The following PKD2 variants were observed in gnomAD, a reference collection of about 807,000 sequenced individuals.
PKD2 encodes the protein polycystin 2, transient receptor potential cation channel, also known as polycystin-2.
A neutral mutation model predicts 105.9 loss-of-function variants in PKD2; 48 were observed. That is an observed-to-expected ratio of 0.45 (90% CI 0.36 to 0.58). The LOEUF (loss-of-function observed/expected upper bound fraction) is 0.58. PKD2 is among the 20% of genes least tolerant of loss of function. The pLI, the probability that PKD2 is intolerant of heterozygous loss-of-function variation, is 0.00. For synonymous variants in PKD2, 464 were observed against 481.1 expected (o/e 0.96, Z 0.46); for missense variants, 1,078 against 1,255.3 (o/e 0.86, Z 2.13).
rs60801876 is a variant in PKD2, at chr4:88,060,441, C to CATATATATATATAT, written c.2020-1462_2020-1449dup. Among the ~76,000 whole-genome samples, 793 of 147,438 alleles carry CATATATATATATAT rather than the reference C, an allele frequency of 5.4e-3. 7 individuals carry two copies. The highest frequency in any genetic ancestry group is 0.029 in the East Asian group (141 of 4,930). On this transcript the variant is annotated intron_variant, in intron 9 of 14. Coordinates refer to ENST00000237596, the MANE Select transcript of PKD2 (RefSeq NM_000297.4). ...TAAGTATTTACTAAGCCACTATATC[C>CATATATATATATAT]ATATATATATATATATCATATATAC...
intron 10 of PKD2, among the ~76,000 whole-genome samples, chr4:88,064,517 T>A (rs760154099): frequency 2.3e-4 from 35 of 152,198 alleles, no homozygotes; most frequent in Non-Finnish European, 4.3e-4. Context: ...ATTATTCAGA[T>A]CATTTTGCAC....
chr4:88,040,207 CA>C (rs2110109101), intron 4 of PKD2, among the ~76,000 whole-genome samples: 1 of 152,254 alleles, frequency 6.6e-6, no homozygotes, highest in African/African-American at 2.4e-5. Context: ...AGCCTGACTC[CA>C]AAACCCATGT....
At chr4:88,042,182 C>G (rs908916685) in intron 4 of PKD2, among the ~76,000 whole-genome samples, 8 of 152,190 alleles carry the variant, frequency 5.3e-5, no homozygotes, top group African/African-American at 1.9e-4. Context: ...GGCAATTTAC[C>G]AAAGAAAGAG....
At chr4:88,061,780 T>C in intron 9 of PKD2, 126 bp from the exon 10 acceptor site, 1 of 414,634 alleles carries the variant, frequency 2.4e-6, no homozygotes, top group Non-Finnish European at 4.4e-6. Context: ...AATAAATTTA[T>C]GTCTTCATAA....
chr4:88,057,695 A>T (rs925371440), intron 8 of PKD2, among the ~76,000 whole-genome samples: 5 of 152,026 alleles, frequency 3.3e-5, no homozygotes, highest in African/African-American at 1.2e-4. Context: ...CGGCCTCCCA[A>T]AGTGCTGGGA....
intron 12 of PKD2, among the ~76,000 whole-genome samples, chr4:88,066,722 A>T (rs1270398508): frequency 6.6e-6 from 1 of 151,952 alleles, no homozygotes; most frequent in East Asian, 1.9e-4. Flanking sequence ...AAATAGTTAA[A>T]AATAAACATA....
chr4:88,044,938 G>T (rs1445415704), intron 5 of PKD2, among the ~76,000 whole-genome samples: 1 of 152,128 alleles, frequency 6.6e-6, no homozygotes, highest in East Asian at 1.9e-4. Context: ...TCCAGTAGTA[G>T]TTATCACTAG....
chr4:88,007,739 G>A lies in PKD2; in HGVS notation c.6G>A (p.Val2=). M[V]NSSRVQPQQP... ...GCCGGACGCCAGTGACCGCGATGGT[G>A]AACTCCAGTCGCGTGCAGCCTCAGC... The change falls in exon 1 of 15, where the codon GTG becomes GTA. Residue 2 remains valine (V), a synonymous_variant. Transcript: ENST00000237596. 7.5e-6 allele frequency: 9 copies of A among 1,205,756 alleles called. No homozygotes were observed. Among genetic ancestry groups the A allele is most frequent in the African/African-American group, 1.6e-5 (1 of 61,774 alleles). 74.7% of individuals were successfully genotyped at this position (1,205,756 alleles called of 1,614,324 possible).
chr4:88,051,016 C>T (rs1720076773), intron 6 of PKD2, among the ~76,000 whole-genome samples: 1 of 152,196 alleles, frequency 6.6e-6, no homozygotes, highest in Non-Finnish European at 1.5e-5. Context: ...CCACAGCCCA[C>T]CTGCTGCAGA....
chr4:88,052,048 C>T lies in PKD2; in HGVS notation c.1606C>T (p.Leu536=), dbSNP rs983462333. The change falls in exon 7 of 15, where the codon CTA becomes TTA. Residue 536 remains leucine, a synonymous_variant. Coordinates refer to ENST00000237596, the MANE Select transcript of PKD2 (RefSeq NM_000297.4). ...CAGAACATCAAATGTGGAGGTGCTACTACAGTTTCTGGAAGATCAAAATAC... is the reference window on the plus strand; with the variant it reads ...CAGAACATCAAATGTGGAGGTGCTATTACAGTTTCTGGAAGATCAAAATAC... ...IYRTSNVEVL[L]QFLEDQNTFP... 6.2e-7 allele frequency: 1 copy of T among 1,602,334 alleles called. No homozygotes were observed. Among genetic ancestry groups the T allele is most frequent in the Admixed American group, 1.7e-5 (1 of 59,984 alleles).
intron 4 of PKD2, among the ~76,000 whole-genome samples, chr4:88,042,412 G>A (rs1420105274): frequency 6.6e-6 from 1 of 152,072 alleles, no homozygotes; most frequent in African/African-American, 2.4e-5. Context: ...CCTCCTACCG[G>A]GTTTCTCCAA....
At chr4:88,057,070 G>A (rs1026501163) in intron 8 of PKD2, among the ~76,000 whole-genome samples, 51 of 151,920 alleles carry the variant, frequency 3.4e-4, no homozygotes, top group African/African-American at 1.2e-3. Flanking sequence ...GCTCACTGCA[G>A]CCTTGAACTC....
At chr4:88,039,774 T>TA (rs201446975) in intron 4 of PKD2, among the ~76,000 whole-genome samples, 1,549 of 150,176 alleles carry the variant, frequency 0.01, 14 homozygotes, top group Middle Eastern at 0.045. Flanking sequence ...TCGCTTTCTT[T>TA]AAAAAAAAAA....
intron 1 of PKD2, among the ~76,000 whole-genome samples, chr4:88,012,678 A>G (rs954190743): frequency 3.4e-4 from 52 of 152,214 alleles, no homozygotes; most frequent in African/African-American, 1.1e-3. Context: ...GAACTTTTTT[A>G]TCATCCCAAA....
rs892016613 is a variant in PKD2 at position 88,075,016 on chromosome 4, A to G, written c.2670+57A>G. On this transcript the variant is annotated intron_variant, in intron 14 of 14. Transcript: ENST00000237596. ...TGAGCATGGTGTTATTAATGAAAATATATGTTGCTGACAGTTGTATTTGAA... is the reference window on the plus strand; with the variant it reads ...TGAGCATGGTGTTATTAATGAAAATGTATGTTGCTGACAGTTGTATTTGAA... 12 of 1,579,888 alleles carry G rather than the reference A, an allele frequency of 7.6e-6. No homozygotes were observed. The East Asian group carries it at 2.5e-4, about 32-fold the overall frequency.
intron 2 of PKD2, 37 bp downstream of exon 2, chr4:88,019,608 T>G: frequency 1.8e-6 from 2 of 1,102,658 alleles, no homozygotes; most frequent in Non-Finnish European, 2.8e-6. Flanking sequence ...TGGGAAAGTT[T>G]TGAAAAGATT....
intron 6 of PKD2, among the ~76,000 whole-genome samples, chr4:88,048,505 G>A (rs1727857073): frequency 6.6e-6 from 1 of 152,006 alleles, no homozygotes; most frequent in Admixed American, 6.6e-5. Context: ...TAATAATAAT[G>A]GCTAACACTT....
chr4:88,021,338 G>A (rs115145783), intron 2 of PKD2, among the ~76,000 whole-genome samples: 2,524 of 152,296 alleles, frequency 0.017, 33 homozygotes, highest in South Asian at 0.046. Context: ...AATTTGGAAG[G>A]TAAGTCAGAG....
chr4:88,051,809 T>C (rs758358935), intron 6 of PKD2, among the ~76,000 whole-genome samples, 182 bp from the exon 7 acceptor site: 8 of 152,236 alleles, frequency 5.3e-5, no homozygotes, highest in Non-Finnish European at 1.0e-4. Context: ...CTGTTTTACT[T>C]ATTTTATGGC....
Sources: allele counts gnomAD v4.1 joint callset (sites outside exome capture counted in the v4.1 genomes callset), GRCh38; gene constraint gnomAD v4.1.1; transcripts MANE v1.5; gene names NCBI Gene and HGNC (gene_info 2026-07-23, HGNC 2026-07-21).